The following ITSN1 variants were observed in gnomAD, a reference collection of about 807,000 sequenced individuals.
ITSN1 encodes the protein intersectin-1.
In ITSN1, 58 loss-of-function variants were observed where a neutral mutation model predicts 239.8. That is an observed-to-expected ratio of 0.24 (90% CI 0.20 to 0.30). The LOEUF (loss-of-function observed/expected upper bound fraction) is 0.30, where lower values mean the gene tolerates loss of function less well. Among genes scored for constraint, ITSN1 ranks in the 10% least tolerant of loss-of-function variants. The pLI is 1.00. For missense variants in ITSN1, 1,558 were observed against 2,103.3 expected, an observed-to-expected ratio of 0.74 and a Z score of 5.07; for synonymous variants, 780 against 770.8, an observed-to-expected ratio of 1.01 and a Z score of -0.20.
intron 1 of ITSN1, among the ~76,000 whole-genome samples, chr21:33,676,834 C>T (rs1201269830): frequency 6.6e-6 from 1 of 152,122 alleles, no homozygotes; most frequent in Non-Finnish European, 1.5e-5. Flanking sequence ...ATCCATGCCC[C>T]TACAAAGGAT....
intron 8 of ITSN1, among the ~76,000 whole-genome samples, chr21:33,758,582 A>G (rs2068080923): frequency 6.6e-6 from 1 of 152,204 alleles, no homozygotes. Context: ...AGGTTATGTA[A>G]GAAGCTCTAG....
chr21:33,677,866 A>G (rs2090691658), intron 1 of ITSN1, among the ~76,000 whole-genome samples: 1 of 152,108 alleles, frequency 6.6e-6, no homozygotes. Flanking sequence ...TCCACTGTTA[A>G]AACATTAGGC....
At chr21:33,762,084 A>G (rs1045367194) in intron 9 of ITSN1, 98 bp downstream of exon 9, 3 of 841,634 alleles carry the variant, frequency 3.6e-6, no homozygotes, top group Admixed American at 1.9e-5. Context: ...TTTATGGGGG[A>G]ATATGTAGAA....
chr21:33,887,725 C>T (rs188911672), intron 39 of ITSN1, among the ~76,000 whole-genome samples: 1 of 152,122 alleles, frequency 6.6e-6, no homozygotes, highest in African/African-American at 2.4e-5. Context: ...CCTGCCTCAG[C>T]CTCCTAAGTA....
Position 33,818,324 on chromosome 21 carries a change from G to A in ITSN1, c.2785G>A (p.Asp929Asn), listed in dbSNP as rs1185383739. 2 of 1,614,082 alleles carry A rather than the reference G, an allele frequency of 1.2e-6. No homozygotes were observed. The highest frequency in any genetic ancestry group is 1.7e-6 in the Non-Finnish European group (2 of 1,180,038). The change falls in exon 23 of 40, where the codon GAC becomes AAC. Residue 929 changes from aspartate (D) to asparagine (N), a missense_variant. Physicochemically the swap from Asp to Asn is conservative, Grantham distance 23. Coordinates refer to ENST00000381318, the MANE Select transcript of ITSN1 (RefSeq NM_003024.3). ...QALYPWRAKKDNHLNFNKNDV... is the reference protein window; with the variant it reads ...QALYPWRAKKNNHLNFNKNDV... Reference sequence around the variant, plus strand: ...CCTATATCCTTGGAGAGCCAAAAAAGACAACCACTTAAATTTTAACAAAAA... The same window carrying A: ...CCTATATCCTTGGAGAGCCAAAAAAAACAACCACTTAAATTTTAACAAAAA...
chr21:33,647,424 A>G (rs1043723319), intron 1 of ITSN1, among the ~76,000 whole-genome samples: 2 of 151,726 alleles, frequency 1.3e-5, no homozygotes, highest in African/African-American at 2.4e-5. Context: ...GTCTTTTCCT[A>G]TATATATATT....
At chr21:33,706,325 G>A (rs192574338) in intron 1 of ITSN1, among the ~76,000 whole-genome samples, 20 of 152,174 alleles carry the variant, frequency 1.3e-4, no homozygotes, top group Non-Finnish European at 2.9e-5. Context: ...TTAATTGATG[G>A]CATTTTAAAG....
intron 1 of ITSN1, among the ~76,000 whole-genome samples, chr21:33,695,327 T>G (rs902384919): frequency 5.3e-5 from 8 of 152,242 alleles, no homozygotes; most frequent in Admixed American, 2.6e-4. Flanking sequence ...CTGGTTTAGA[T>G]TCCCAAATAA....
chr21:33,733,817 T>A (rs908053004), intron 4 of ITSN1, among the ~76,000 whole-genome samples: 8 of 152,166 alleles, frequency 5.3e-5, no homozygotes, highest in African/African-American at 1.4e-4. Context: ...GGCAAAAAGG[T>A]TTCTGCAACC....
chr21:33,898,408 A>G lies in ITSN1; in HGVS notation c.*10108A>G, dbSNP rs1986907778. ...TTTCCATGGAGACCCCAGGGGGAAGATGCCTTCCTCCCGTCTGCATTCCCA... is the reference window on the plus strand; with the variant it reads ...TTTCCATGGAGACCCCAGGGGGAAGGTGCCTTCCTCCCGTCTGCATTCCCA... On this transcript the variant is annotated 3_prime_UTR_variant, in exon 40 of 40. Transcript: ENST00000381318. 1 of 152,310 alleles carries G rather than the reference A, an allele frequency of 6.6e-6. No individual in the cohort carries two copies. Among genetic ancestry groups the G allele is most frequent in the South Asian group, 2.1e-4 (1 of 4,832 alleles). 9.4% of individuals were successfully genotyped at this position (152,310 alleles called of 1,614,324 possible).
At chr21:33,820,823 T>A (rs563229269) in intron 24 of ITSN1, among the ~76,000 whole-genome samples, 39 of 152,198 alleles carry the variant, frequency 2.6e-4, no homozygotes, top group Admixed American at 4.6e-4. Flanking sequence ...GCAGTCAGTT[T>A]AGTAAAAAGC....
chr21:33,767,845 G>A lies in ITSN1; in HGVS notation c.1042+17G>A, dbSNP rs753714251. 4.5e-6 allele frequency: 6 copies of A among 1,347,200 alleles called. No individual in the cohort carries two copies. The highest frequency in any genetic ancestry group is 3.6e-4 in the Middle Eastern group (2 of 5,546). 83.5% of individuals were successfully genotyped at this position (1,347,200 alleles called of 1,614,324 possible). A position where few individuals can be genotyped will look rare whatever the true frequency, so the allele number is the denominator to read the frequency against. On this transcript the variant is annotated intron_variant, in intron 11 of 39. Coordinates refer to ENST00000381318, the MANE Select transcript of ITSN1 (RefSeq NM_003024.3). ...AATTACCTGGTAAGGCAGCCTTTAT[G>A]TTGAGTTAAATCATTTAGATTAAAC...
chr21:33,849,755 A>G (rs915491984), intron 29 of ITSN1, among the ~76,000 whole-genome samples: 3 of 152,342 alleles, frequency 2.0e-5, no homozygotes, highest in Middle Eastern at 3.4e-3. Flanking sequence ...CCCTGTACCA[A>G]AATAGCTCAG....
At chr21:33,795,491 A>G (rs567586433) in intron 17 of ITSN1, among the ~76,000 whole-genome samples, 1 of 152,294 alleles carries the variant, frequency 6.6e-6, no homozygotes, top group East Asian at 1.9e-4. Context: ...ACTTGAGGCA[A>G]GTCATTGACT....
chr21:33,757,263 G>C (rs181369395), intron 8 of ITSN1, among the ~76,000 whole-genome samples: 13 of 152,166 alleles, frequency 8.5e-5, no homozygotes, highest in Middle Eastern at 3.4e-3. Context: ...TTCTTGGTGG[G>C]ATGTGTGTTT....
At chr21:33,671,794 A>C (rs1283773599) in intron 1 of ITSN1, among the ~76,000 whole-genome samples, 3 of 151,498 alleles carry the variant, frequency 2.0e-5, no homozygotes, top group South Asian at 2.1e-4. Flanking sequence ...TCCGTCTCAA[A>C]TAAATAAATA....
chr21:33,783,626 A>G (rs2070385045), intron 16 of ITSN1, among the ~76,000 whole-genome samples: 1 of 152,168 alleles, frequency 6.6e-6, no homozygotes, highest in Admixed American at 6.5e-5. Context: ...AAAAAAACAA[A>G]AAAGAATAAG....
At chr21:33,753,028 AT>A (rs2147508694) in intron 7 of ITSN1, among the ~76,000 whole-genome samples, 1 of 152,230 alleles carries the variant, frequency 6.6e-6, no homozygotes, top group East Asian at 1.9e-4. Flanking sequence ...ACATTAACTC[AT>A]TCTTCCCCAT....
chr21:33,723,990 A>T (rs1043619850), intron 4 of ITSN1, among the ~76,000 whole-genome samples: 1 of 152,228 alleles, frequency 6.6e-6, no homozygotes. Flanking sequence ...TTTTAAGCAC[A>T]GTCTACAGAA....
Sources: allele counts gnomAD v4.1 joint callset (sites outside exome capture counted in the v4.1 genomes callset), GRCh38; gene constraint gnomAD v4.1.1; transcripts MANE v1.5; gene names NCBI Gene and HGNC (gene_info 2026-07-23, HGNC 2026-07-21).